The following PARP4 variants were observed in gnomAD, a reference collection of about 807,000 sequenced individuals.
The protein encoded by PARP4 is poly(ADP-ribose) polymerase family member 4.
A neutral mutation model predicts 187.7 loss-of-function variants in PARP4; 120 were observed. That is an observed-to-expected ratio of 0.64 (90% CI 0.55 to 0.74). The LOEUF (loss-of-function observed/expected upper bound fraction) is 0.74. PARP4 is among the 30% of genes least tolerant of loss of function. The pLI is 0.00. For synonymous variants in PARP4, 654 were observed against 740.9 expected, an observed-to-expected ratio of 0.88 and a Z score of 1.90; for missense variants, 1,836 against 2,070.5, an observed-to-expected ratio of 0.89 and a Z score of 2.20.
At chr13:24,499,444 AATT>A (rs1869151344) in intron 4 of PARP4, 68 bp from the exon 5 acceptor site, 1 of 1,354,048 alleles carries the variant, frequency 7.4e-7, no homozygotes, top group East Asian at 2.5e-5. Context: ...GAATTTCATA[AATT>A]TTTTCTTGTA....
rs1566001767 is a variant in PARP4, at chr13:24,460,475, C to CTCTGCTGCAT, written c.2134-340_2134-339insATGCAGCAGA. 7.0e-4 allele frequency among the ~76,000 whole-genome samples: 89 copies of CTCTGCTGCAT among 126,520 alleles called. 2 individuals are homozygous for CTCTGCTGCAT. In the East Asian group the frequency reaches 0.014, roughly 20 times the overall value. The allele number at this position is 126,520 out of a possible 152,430, so 83.0% of individuals were successfully genotyped here. On this transcript the variant is annotated intron_variant, in intron 17 of 33. Transcript: ENST00000381989. ...TGCTGCACGGGTGGGCTCTGCTGCA[C>CTCTGCTGCAT]GGGTGGGCTCTGCTGCATGGGTGGG...
At chr13:24,489,540 C>G (rs533499167) in intron 10 of PARP4, among the ~76,000 whole-genome samples, 7 of 152,114 alleles carry the variant, frequency 4.6e-5, no homozygotes, top group Admixed American at 4.6e-4. Flanking sequence ...ACCTGGGAGG[C>G]AGAGCTTGCA....
At chr13:24,499,484 C>G in intron 4 of PARP4, 108 bp from the exon 5 acceptor site, 2 of 810,736 alleles carry the variant, frequency 2.5e-6, no homozygotes, top group Middle Eastern at 3.9e-4. Context: ...ATGATAGATT[C>G]CTTACAAAAC....
chr13:24,443,645 C>A lies in PARP4; in HGVS notation c.3447+5G>T, dbSNP rs755038614. On this transcript the variant is annotated splice_donor_5th_base_variant and intron_variant, in intron 28 of 33. Transcript: ENST00000381989. ...CTAATCATTTTTACAATGAAAAGAA[C>A]AAACCTCATGACTGGTTTCATTTTC... 6.3e-7 allele frequency: 1 copy of A among 1,587,034 alleles called. No homozygotes were observed. The highest frequency in any genetic ancestry group is 1.1e-5 in the South Asian group (1 of 90,306).
intron 9 of PARP4, among the ~76,000 whole-genome samples, chr13:24,491,954 G>A (rs1199353775): frequency 6.6e-6 from 1 of 152,224 alleles, no homozygotes; most frequent in African/African-American, 2.4e-5. Flanking sequence ...GCCAGGCTAA[G>A]AGCAGAGCCG....
At chr13:24,456,889 A>G (rs1196561642) in intron 20 of PARP4, among the ~76,000 whole-genome samples, 1 of 152,126 alleles carries the variant, frequency 6.6e-6, no homozygotes, top group East Asian at 1.9e-4. Flanking sequence ...AACAACAGGG[A>G]AACTCTGTCT....
intron 17 of PARP4, among the ~76,000 whole-genome samples, chr13:24,466,183 A>G (rs532273450): frequency 1.3e-5 from 2 of 152,250 alleles, no homozygotes; most frequent in South Asian, 2.1e-4. Flanking sequence ...AACAATCAAA[A>G]CTTAATTTTT....
intron 24 of PARP4, 123 bp from the exon 25 acceptor site, chr13:24,449,940 G>C (rs1291285523): frequency 1.8e-5 from 10 of 543,696 alleles, no homozygotes; most frequent in Admixed American, 1.3e-4. Context: ...GAATGTACTC[G>C]TGTGTCGCTG....
chr13:24,463,970 T>C (rs1285506726), intron 17 of PARP4, among the ~76,000 whole-genome samples: 3 of 152,108 alleles, frequency 2.0e-5, no homozygotes, highest in Non-Finnish European at 1.5e-5. Context: ...AAAATAAATG[T>C]GCAAAAGTCA....
In PARP4 at chr13:24,435,387, A is replaced by T. The variant is rs1268890595; in HGVS notation, c.3754T>A (p.Leu1252Ile). 1 of 1,612,416 alleles carries T rather than the reference A, an allele frequency of 6.2e-7. No homozygotes were observed. The highest frequency in any genetic ancestry group is 2.2e-5 in the East Asian group (1 of 44,886). Residue 1252 changes from leucine to isoleucine, a missense_variant, in exon 31 of 34, where the codon TTA becomes ATA. Physicochemically the swap from Leu to Ile is conservative, Grantham distance 5. Transcript: ENST00000381989. The stretch of plus-strand genomic sequence containing the variant: ...TCTTCAGAAACTTCTGGCTGAGATA[A>T]TTCCATTTTTCTTTTGGAAAATGGA... ...KIPFSKRKME[L>I]SQPEVSEDFE... is the part of the protein sequence containing the mutation.
At chr13:24,444,940 A>G (rs866440695) in intron 27 of PARP4, among the ~76,000 whole-genome samples, 78 of 152,340 alleles carry the variant, frequency 5.1e-4, no homozygotes, top group African/African-American at 1.8e-3. Context: ...GGGATGATAG[A>G]GAAACCGTTA....
intron 25 of PARP4, among the ~76,000 whole-genome samples, chr13:24,449,205 A>G (rs9581042): frequency 0.06 from 9,057 of 151,980 alleles, 391 homozygotes; most frequent in Non-Finnish European, 0.089. Context: ...TGGCTAACAC[A>G]GTGAAACCCC....
At position 24,459,956 on chromosome 13, in the gene PARP4, T is replaced by A. The variant is rs1402535222; in HGVS notation, c.2298+16A>T. The stretch of plus-strand genomic sequence containing the variant: ...ACTGCTGCCAAAATGCTTCTTCAAA[T>A]CTTATGCGTACAAACCTGAAGGTTT... On this transcript the variant is annotated intron_variant, in intron 18 of 33. Coordinates refer to ENST00000381989, the MANE Select transcript of PARP4 (RefSeq NM_006437.4). The A allele has an allele frequency of 1.2e-6, 2 of 1,607,802 alleles. No homozygotes were observed. Among genetic ancestry groups the A allele is most frequent in the Admixed American group, 3.4e-5 (2 of 59,020 alleles).
In PARP4 at chr13:24,462,680, A is replaced by G. The variant is rs114792278; in HGVS notation, c.2134-2544T>C. Among the ~76,000 whole-genome samples, 421 of 152,356 alleles carry G rather than the reference A, an allele frequency of 2.8e-3. 1 individual carries two copies. Among genetic ancestry groups the G allele is most frequent in the African/African-American group, 9.5e-3 (396 of 41,590 alleles). On this transcript the variant is annotated intron_variant, in intron 17 of 33. Coordinates refer to ENST00000381989, the MANE Select transcript of PARP4 (RefSeq NM_006437.4). Reference sequence around the variant, plus strand: ...GAAAAGGTGAGGAATACATATGAATAGATGGAACCTTTCATTAGAGAGACT... The same window carrying G: ...GAAAAGGTGAGGAATACATATGAATGGATGGAACCTTTCATTAGAGAGACT...
intron 20 of PARP4, among the ~76,000 whole-genome samples, chr13:24,456,918 A>G (rs752362849): frequency 1.3e-5 from 2 of 152,094 alleles, no homozygotes; most frequent in Non-Finnish European, 2.9e-5. Flanking sequence ...AAACAAAACA[A>G]AACAAAACAA....
intron 17 of PARP4, among the ~76,000 whole-genome samples, chr13:24,466,684 A>T (rs1872488050): frequency 4.6e-5 from 7 of 151,354 alleles, no homozygotes; most frequent in Admixed American, 4.6e-4. Context: ...AGTCCTAGCT[A>T]CTTGGGAGGC....
At chr13:24,455,429 A>G (rs1871770931) in intron 21 of PARP4, among the ~76,000 whole-genome samples, 1 of 149,246 alleles carries the variant, frequency 6.7e-6, no homozygotes, top group African/African-American at 2.5e-5. Context: ...AACTTCTGAG[A>G]GGTCAAGAAT....
intron 15 of PARP4, among the ~76,000 whole-genome samples, chr13:24,472,372 G>GT (rs943206220): frequency 3.9e-4 from 59 of 152,172 alleles, no homozygotes; most frequent in African/African-American, 1.4e-3. Context: ...GAGGATGTGT[G>GT]TATGGGTCAG....
At chr13:24,437,592 G>T (rs1375584382) in intron 30 of PARP4, among the ~76,000 whole-genome samples, 1 of 126,428 alleles carries the variant, frequency 7.9e-6, no homozygotes, top group Non-Finnish European at 1.7e-5. Flanking sequence ...GATACATAGG[G>T]CTGTAAGAAT....
Sources: allele counts gnomAD v4.1 joint callset (sites outside exome capture counted in the v4.1 genomes callset), GRCh38; gene constraint gnomAD v4.1.1; transcripts MANE v1.5; gene names NCBI Gene and HGNC (gene_info 2026-07-23, HGNC 2026-07-21).